Variants in ACTR3C observed in about 807,000 individuals in gnomAD.
ACTR3C encodes the protein actin-related protein 3C.
ACTR3C carries 18 observed loss-of-function variants against 26.3 expected under a neutral mutation model. The observed-to-expected ratio is 0.68, with a 90% confidence interval of 0.47 to 1.01. ACTR3C has a LOEUF of 1.01. Ranked by LOEUF, ACTR3C falls within the 50% of genes least tolerant of loss-of-function variation. ACTR3C has a pLI of 0.00. For missense variants in ACTR3C, 184 were observed against 250.7 expected (o/e 0.73, Z 1.80); for synonymous variants, 55 against 94.5 (o/e 0.58, Z 2.42).
chr7:150,023,290 CATAG>C, the ACTR3C span, among the ~76,000 whole-genome samples: 264 of 77,308 alleles, frequency 3.4e-3, 14 homozygotes, highest in African/African-American at 5.9e-3. Context: ...TATGGAGATA[CATAG>C]ATAGATAGAT....
chr7:150,158,846 G>T, the ACTR3C span, among the ~76,000 whole-genome samples: 1 of 146,032 alleles, frequency 6.8e-6, no homozygotes, highest in African/African-American at 2.6e-5. Flanking sequence ...GCACACACAG[G>T]CACACACACA....
chr7:149,959,919 T>C, the ACTR3C span, among the ~76,000 whole-genome samples: 1 of 152,082 alleles, frequency 6.6e-6, no homozygotes, highest in Non-Finnish European at 1.5e-5. Flanking sequence ...ATAGGTAAAG[T>C]GCATTTTCAC....
At chr7:149,906,389 GT>G in the ACTR3C span, among the ~76,000 whole-genome samples, 1 of 144,512 alleles carries the variant, frequency 6.9e-6, no homozygotes, top group Non-Finnish European at 1.5e-5. Context: ...AGTCCATGGG[GT>G]TTTTGTGTGT....
At chr7:150,060,285 T>C in the ACTR3C span, among the ~76,000 whole-genome samples, 1 of 150,838 alleles carries the variant, frequency 6.6e-6, no homozygotes, top group East Asian at 1.9e-4. Context: ...TGAAGCGTGC[T>C]GCCTTATCTT....
the ACTR3C span, among the ~76,000 whole-genome samples, chr7:149,978,090 G>A: frequency 6.6e-6 from 1 of 151,732 alleles, no homozygotes; most frequent in Non-Finnish European, 1.5e-5. Flanking sequence ...GGTTGCCTGT[G>A]TGGAAGAGTT....
At chr7:149,999,034 GC>G in the ACTR3C span, among the ~76,000 whole-genome samples, 11 of 150,384 alleles carry the variant, frequency 7.3e-5, no homozygotes, top group African/African-American at 2.7e-4. Context: ...GCCTCCACAA[GC>G]CCCCAGGTGA....
At chr7:150,100,993 C>G in the ACTR3C span, among the ~76,000 whole-genome samples, 2 of 151,690 alleles carry the variant, frequency 1.3e-5, no homozygotes, top group Non-Finnish European at 1.5e-5. Context: ...GCGTGAGCCA[C>G]CCCCCACTGC....
chr7:150,309,372 C>CA (rs1796088531), intron 1 of ACTR3C, among the ~76,000 whole-genome samples: 1 of 152,228 alleles, frequency 6.6e-6, no homozygotes, highest in South Asian at 2.1e-4. Flanking sequence ...ATCACCCAGT[C>CA]AGCTCCTGAC....
the ACTR3C span, among the ~76,000 whole-genome samples, chr7:150,135,189 G>C: frequency 6.6e-6 from 1 of 152,210 alleles, no homozygotes; most frequent in Non-Finnish European, 1.5e-5. Flanking sequence ...GGAGAATGGC[G>C]TGAACCCAGG....
At chr7:150,050,406 A>G in the ACTR3C span, among the ~76,000 whole-genome samples, 9 of 152,362 alleles carry the variant, frequency 5.9e-5, no homozygotes, top group Non-Finnish European at 1.3e-4. Context: ...TTTAAAAATT[A>G]TATTCTCAAA....
At chr7:149,885,931 T>A in the ACTR3C span, among the ~76,000 whole-genome samples, 1 of 152,216 alleles carries the variant, frequency 6.6e-6, no homozygotes, top group African/African-American at 2.4e-5. Flanking sequence ...AGTCTACAAC[T>A]GGATCAAATT....
chr7:149,998,627 T>G, the ACTR3C span, among the ~76,000 whole-genome samples: 1 of 147,140 alleles, frequency 6.8e-6, no homozygotes, highest in East Asian at 2.2e-4. Flanking sequence ...TGAGAAAGCA[T>G]GAGGGTAACC....
chr7:150,036,863 A>AG, the ACTR3C span, among the ~76,000 whole-genome samples: 1 of 115,026 alleles, frequency 8.7e-6, no homozygotes, highest in Non-Finnish European at 2.0e-5. Flanking sequence ...GTCCTAAGCC[A>AG]GGGGGGGATG....
chr7:149,927,857 C>T, the ACTR3C span, among the ~76,000 whole-genome samples: 16 of 152,224 alleles, frequency 1.1e-4, no homozygotes, highest in African/African-American at 1.4e-4. Context: ...GGGATGCTCA[C>T]GCCAACTAAC....
At chr7:149,936,400 C>T in the ACTR3C span, among the ~76,000 whole-genome samples, 1 of 152,194 alleles carries the variant, frequency 6.6e-6, no homozygotes, top group Non-Finnish European at 1.5e-5. Context: ...ATGAGTTGAA[C>T]TTTCCATGAT....
intron 6 of ACTR3C, among the ~76,000 whole-genome samples, chr7:150,276,332 G>A (rs1270994628): frequency 1.3e-5 from 2 of 152,232 alleles, no homozygotes; most frequent in East Asian, 3.9e-4. Context: ...GTAAAGAACC[G>A]CTCATAGACA....
the ACTR3C span, among the ~76,000 whole-genome samples, chr7:150,067,795 GT>G: frequency 7.0e-5 from 10 of 142,930 alleles, no homozygotes; most frequent in African/African-American, 2.3e-4. Flanking sequence ...CAAGGGGGTG[GT>G]GGGGGGGGAT....
At chr7:150,116,108 C>T in the ACTR3C span, among the ~76,000 whole-genome samples, 1 of 152,204 alleles carries the variant, frequency 6.6e-6, no homozygotes, top group Non-Finnish European at 1.5e-5. Flanking sequence ...ATGACAACCT[C>T]ATGGGGGAAT....
chr7:150,038,879 CG>C, the ACTR3C span, among the ~76,000 whole-genome samples: 193 of 55,896 alleles, frequency 3.5e-3, no homozygotes, highest in Non-Finnish European at 5.1e-3. Context: ...CCCTGCCTCG[CG>C]GGGGGTGCCT....
Sources: allele counts gnomAD v4.1 joint callset (sites outside exome capture counted in the v4.1 genomes callset), GRCh38; gene constraint gnomAD v4.1.1; transcripts MANE v1.5; gene names NCBI Gene and HGNC (gene_info 2026-07-23, HGNC 2026-07-21).